The following EYA1 variants were observed in gnomAD, a reference collection of about 807,000 sequenced individuals.
EYA1 encodes protein phosphatase EYA1.
A neutral mutation model predicts 82.0 loss-of-function variants in EYA1; 16 were observed. The ratio of observed to expected loss-of-function variants is 0.20; its 90% confidence interval spans 0.13 to 0.30. The LOEUF (loss-of-function observed/expected upper bound fraction) is 0.30, where lower values mean the gene tolerates loss of function less well. Among genes scored for constraint, EYA1 ranks in the 10% least tolerant of loss-of-function variants. EYA1 has a pLI of 1.00. For synonymous variants in EYA1, 261 were observed against 264.4 expected (o/e 0.99, Z 0.12); for missense variants, 633 against 730.7 (o/e 0.87, Z 1.54).
At chr8:71,251,157 T>G (rs546523207) in intron 11 of EYA1, among the ~76,000 whole-genome samples, 1 of 152,352 alleles carries the variant, frequency 6.6e-6, no homozygotes, top group South Asian at 2.1e-4. Context: ...AACACTGATT[T>G]TGTAAACTCA....
At chr8:71,522,421 T>C (rs373497385) in intron 2 of EYA1, among the ~76,000 whole-genome samples, 126 of 152,322 alleles carry the variant, frequency 8.3e-4, no homozygotes, top group African/African-American at 2.9e-3. Flanking sequence ...TGGTCTCTGC[T>C]ACACAGTAAG....
chr8:71,527,433 T>C (rs1159895961), intron 2 of EYA1, among the ~76,000 whole-genome samples: 2 of 152,148 alleles, frequency 1.3e-5, no homozygotes, highest in African/African-American at 4.8e-5. Flanking sequence ...ATTTTACAAA[T>C]AAAGAAAATG....
chr8:71,482,286 G>A (rs35395764), intron 2 of EYA1, among the ~76,000 whole-genome samples: 21,091 of 152,134 alleles, frequency 0.14, 1,943 homozygotes, highest in Non-Finnish European at 0.2. Flanking sequence ...AAAAGCATAC[G>A]AAAAGGTGTT....
At chr8:71,318,849 T>C (rs1822211427) in intron 6 of EYA1, among the ~76,000 whole-genome samples, 1 of 152,146 alleles carries the variant, frequency 6.6e-6, no homozygotes, top group African/African-American at 2.4e-5. Flanking sequence ...CTGCAGTATC[T>C]CTAAATAACT....
chr8:71,246,062 A>G (rs959991586), intron 11 of EYA1, among the ~76,000 whole-genome samples: 1 of 152,208 alleles, frequency 6.6e-6, no homozygotes. Flanking sequence ...AAGAAGCAAC[A>G]TGGTTCATGG....
intron 2 of EYA1, among the ~76,000 whole-genome samples, chr8:71,457,217 T>G (rs1365307697): frequency 6.6e-6 from 1 of 152,092 alleles, no homozygotes; most frequent in African/African-American, 2.4e-5. Context: ...TGACATACCA[T>G]CTCACACCGT....
At chr8:71,307,375 G>A (rs574525499) in intron 7 of EYA1, among the ~76,000 whole-genome samples, 1 of 152,080 alleles carries the variant, frequency 6.6e-6, no homozygotes, top group South Asian at 2.1e-4. Context: ...CATGATCTTG[G>A]CTCACAGCAA....
intron 2 of EYA1, among the ~76,000 whole-genome samples, chr8:71,464,474 A>G (rs933602498): frequency 6.6e-6 from 1 of 152,230 alleles, no homozygotes; most frequent in Non-Finnish European, 1.5e-5. Flanking sequence ...CCACTTACAC[A>G]GGTAAAGGGC....
chr8:71,256,463 G>A (rs916859013), intron 11 of EYA1, among the ~76,000 whole-genome samples: 2 of 152,094 alleles, frequency 1.3e-5, no homozygotes, highest in Non-Finnish European at 2.9e-5. Flanking sequence ...AAAAAGTGAA[G>A]TACTATATGA....
intron 2 of EYA1, among the ~76,000 whole-genome samples, chr8:71,450,527 G>A (rs1179790904): frequency 6.6e-6 from 1 of 152,106 alleles, no homozygotes; most frequent in East Asian, 1.9e-4. Context: ...TACAATCAGA[G>A]ATCAAAAATT....
intron 2 of EYA1, among the ~76,000 whole-genome samples, chr8:71,511,598 A>G (rs574400189): frequency 1.3e-5 from 2 of 152,298 alleles, no homozygotes; most frequent in East Asian, 3.9e-4. Context: ...GAGCACAGTG[A>G]TGGTGCCACA....
intron 1 of EYA1, among the ~76,000 whole-genome samples, chr8:71,538,322 C>G (rs1814872008): frequency 6.6e-6 from 1 of 152,226 alleles, no homozygotes; most frequent in Admixed American, 6.5e-5. Context: ...CCATGCCTTA[C>G]TCTCTGGTTC....
intron 2 of EYA1, among the ~76,000 whole-genome samples, chr8:71,449,696 G>T (rs1003854738): frequency 1.3e-5 from 2 of 152,178 alleles, no homozygotes; most frequent in African/African-American, 2.4e-5. Flanking sequence ...TAACCAGAGA[G>T]TCAGCCTGAC....
At chr8:71,251,745 C>G (rs1042822804) in intron 11 of EYA1, among the ~76,000 whole-genome samples, 5 of 152,164 alleles carry the variant, frequency 3.3e-5, no homozygotes, top group Non-Finnish European at 7.4e-5. Flanking sequence ...TTCTACAACA[C>G]AGAACTGCTC....
At chr8:71,502,703 G>A (rs1039733238) in intron 2 of EYA1, among the ~76,000 whole-genome samples, 1 of 152,202 alleles carries the variant, frequency 6.6e-6, no homozygotes, top group Non-Finnish European at 1.5e-5. Context: ...TAAGGTGCCT[G>A]AAGCATGGAG....
At chr8:71,214,450 G>T (rs1369633797) in intron 16 of EYA1, among the ~76,000 whole-genome samples, 1 of 152,186 alleles carries the variant, frequency 6.6e-6, no homozygotes, top group Middle Eastern at 3.4e-3. Context: ...CTTCCCTTTA[G>T]CTTTCACACT....
intron 2 of EYA1, among the ~76,000 whole-genome samples, chr8:71,475,789 T>C (rs1038203425): frequency 1.3e-5 from 2 of 152,184 alleles, no homozygotes; most frequent in African/African-American, 4.8e-5. Context: ...ATAATTTTCG[T>C]TTGTTTATTT....
At chr8:71,464,358 A>C (rs1808626365) in intron 2 of EYA1, among the ~76,000 whole-genome samples, 1 of 152,188 alleles carries the variant, frequency 6.6e-6, no homozygotes, top group Non-Finnish European at 1.5e-5. Flanking sequence ...TGTGCATTGC[A>C]GCTTATGTCT....
At chr8:71,508,681 C>T (rs1282484717) in intron 2 of EYA1, among the ~76,000 whole-genome samples, 5 of 152,080 alleles carry the variant, frequency 3.3e-5, no homozygotes, top group Non-Finnish European at 7.4e-5. Flanking sequence ...CATCCATGAA[C>T]AAAATAATGA....
Sources: allele counts gnomAD v4.1 joint callset (sites outside exome capture counted in the v4.1 genomes callset), GRCh38; gene constraint gnomAD v4.1.1; transcripts MANE v1.5; gene names NCBI Gene and HGNC (gene_info 2026-07-23, HGNC 2026-07-21).